Variants in PTPRM observed in about 807,000 individuals in gnomAD.
PTPRM encodes protein tyrosine phosphatase receptor type M.
In PTPRM, 47 loss-of-function variants were observed where a neutral mutation model predicts 186.7. The observed-to-expected ratio is 0.25, with a 90% CI of 0.20 to 0.32. The LOEUF (loss-of-function observed/expected upper bound fraction) is 0.32. Among genes scored for constraint, PTPRM ranks in the 10% least tolerant of loss-of-function variants. The pLI, the probability that PTPRM is intolerant of heterozygous loss-of-function variation, is 1.00. For synonymous variants in PTPRM, 668 were observed against 674.9 expected (o/e 0.99, Z 0.16); for missense variants, 1,494 against 1,865.0 (o/e 0.80, Z 3.66).
rs747293011 is a variant in PTPRM at position 8,370,875 on chromosome 18, TTA to T, written c.3055-13_3055-12del. 13 of 1,520,376 alleles carry T rather than the reference TTA, an allele frequency of 8.6e-6. No homozygotes were observed. The East Asian group carries it at 3.0e-4, about 35-fold the overall frequency. 94.2% of individuals were successfully genotyped at this position (1,520,376 alleles called of 1,614,324 possible). ...CCAAACTGTAAACCCATAATTTCTT[TTA>T]TGTTTTCTAAAGGTCAAATGCTGCA... On this transcript the variant is annotated splice_polypyrimidine_tract_variant and intron_variant, in intron 23 of 32. Coordinates refer to ENST00000580170, the MANE Select transcript of PTPRM (RefSeq NM_001105244.2).
At chr18:8,327,782 G>T (rs1330369999) in intron 22 of PTPRM, among the ~76,000 whole-genome samples, 3 of 152,176 alleles carry the variant, frequency 2.0e-5, no homozygotes, top group African/African-American at 7.2e-5. Context: ...ATCAAATCCT[G>T]TATTTAGAGA....
chr18:7,880,984 G>A (rs1162768491), intron 2 of PTPRM, among the ~76,000 whole-genome samples: 2 of 152,190 alleles, frequency 1.3e-5, no homozygotes, highest in African/African-American at 4.8e-5. Flanking sequence ...TTTGCAAAAT[G>A]CAATTGAGTT....
chr18:7,979,948 G>A (rs1382981224), intron 7 of PTPRM, among the ~76,000 whole-genome samples: 3 of 152,208 alleles, frequency 2.0e-5, no homozygotes, highest in Non-Finnish European at 2.9e-5. Context: ...CTCCAGGGCT[G>A]TGTCTTCAGC....
intron 2 of PTPRM, among the ~76,000 whole-genome samples, chr18:7,783,002 A>T (rs2042928353): frequency 6.6e-6 from 1 of 152,188 alleles, no homozygotes; most frequent in Non-Finnish European, 1.5e-5. Context: ...AAAAGTATAC[A>T]AATTAGCCTG....
intron 5 of PTPRM, among the ~76,000 whole-genome samples, chr18:7,944,670 GT>G (rs1305946263): frequency 5.9e-5 from 9 of 152,096 alleles, no homozygotes; most frequent in Non-Finnish European, 8.8e-5. Context: ...TTTCCCTATA[GT>G]TTTTTTATAG....
rs149985449 is a variant in PTPRM at position 8,252,516 on chromosome 18, G to A, written c.2566+17G>A. 5.5e-5 allele frequency: 85 copies of A among 1,544,494 alleles called. No individual in the cohort carries two copies. In the East Asian group the frequency reaches 7.2e-4, roughly 13 times the overall value. ...CAATAAATGGTAAGTTCCCCGATTC[G>A]CCCCATGGAAGAGTTGTGGAGGGAG... On this transcript the variant is annotated intron_variant, in intron 18 of 32. Coordinates refer to ENST00000580170, the MANE Select transcript of PTPRM (RefSeq NM_001105244.2).
chr18:7,808,866 C>G (rs897354637), intron 2 of PTPRM, among the ~76,000 whole-genome samples: 3 of 152,168 alleles, frequency 2.0e-5, no homozygotes, highest in Non-Finnish European at 4.4e-5. Flanking sequence ...TAATATTCAA[C>G]GTGAATTTGC....
intron 1 of PTPRM, among the ~76,000 whole-genome samples, chr18:7,579,643 A>C (rs1000479061): frequency 2.0e-5 from 3 of 152,258 alleles, no homozygotes; most frequent in African/African-American, 7.2e-5. Context: ...TTTAGAATAT[A>C]GTGAAAGAAT....
At chr18:8,241,610 G>A (rs2094435477) in intron 14 of PTPRM, among the ~76,000 whole-genome samples, 1 of 152,178 alleles carries the variant, frequency 6.6e-6, no homozygotes, top group Non-Finnish European at 1.5e-5. Flanking sequence ...CCTCCATGGG[G>A]CATCAGTGTG....
At chr18:7,700,762 A>G in intron 1 of PTPRM, among the ~76,000 whole-genome samples, 1 of 151,418 alleles carries the variant, frequency 6.6e-6, no homozygotes, top group Non-Finnish European at 1.5e-5. Context: ...AGGCTGAGGG[A>G]GGAGGATTAC....
intron 5 of PTPRM, among the ~76,000 whole-genome samples, chr18:7,932,479 A>G (rs961192916): frequency 6.6e-6 from 1 of 152,118 alleles, no homozygotes; most frequent in African/African-American, 2.4e-5. Context: ...ACTCCATTTT[A>G]TTATTGAAAG....
chr18:7,624,906 G>A (rs2038023588), intron 1 of PTPRM, among the ~76,000 whole-genome samples: 1 of 152,222 alleles, frequency 6.6e-6, no homozygotes, highest in Admixed American at 6.5e-5. Context: ...TGGTGTAGGT[G>A]TAGTGAGCCT....
At chr18:7,580,995 C>T (rs994779146) in intron 1 of PTPRM, among the ~76,000 whole-genome samples, 17 of 152,180 alleles carry the variant, frequency 1.1e-4, no homozygotes, top group Non-Finnish European at 1.9e-4. Flanking sequence ...AGGTGTGATT[C>T]TCCTGTGCAG....
intron 1 of PTPRM, among the ~76,000 whole-genome samples, chr18:7,697,641 C>G (rs1158366265): frequency 6.6e-6 from 1 of 152,154 alleles, no homozygotes. Flanking sequence ...TGATCCTTGT[C>G]AAACTATGAG....
chr18:8,305,732 C>G (rs2095214454), intron 20 of PTPRM, among the ~76,000 whole-genome samples: 1 of 152,126 alleles, frequency 6.6e-6, no homozygotes, highest in South Asian at 2.1e-4. Flanking sequence ...CTCCTGTTTC[C>G]TTTTTAAAAG....
chr18:8,406,295 C>T lies in PTPRM; in HGVS notation c.*133C>T. 1.2e-6 allele frequency: 1 copy of T among 819,942 alleles called. No homozygotes were observed. Among genetic ancestry groups the T allele is most frequent in the Non-Finnish European group, 1.9e-6 (1 of 518,530 alleles). 50.8% of individuals were successfully genotyped at this position (819,942 alleles called of 1,614,324 possible). ...GCATAATTGGCTCTTTTTAAGAGCC[C>T]AAGAAAGTGTTTCTAAAATTGCTTG... is the stretch of plus-strand genomic sequence containing the variant. On this transcript the variant is annotated 3_prime_UTR_variant, in exon 33 of 33. Coordinates refer to ENST00000580170, the MANE Select transcript of PTPRM (RefSeq NM_001105244.2).
chr18:7,891,348 G>A (rs1315401863), intron 3 of PTPRM, among the ~76,000 whole-genome samples: 1 of 128,370 alleles, frequency 7.8e-6, no homozygotes. Context: ...GGGATAACAG[G>A]TAAATTTTTT....
intron 7 of PTPRM, among the ~76,000 whole-genome samples, chr18:8,064,032 A>G (rs897174370): frequency 6.6e-6 from 1 of 152,208 alleles, no homozygotes; most frequent in African/African-American, 2.4e-5. Flanking sequence ...CTGTAAGTGT[A>G]TATCCTAGTC....
chr18:8,371,060 C>G, intron 24 of PTPRM, 54 bp downstream of exon 24: 1 of 1,080,602 alleles, frequency 9.3e-7, no homozygotes, highest in Non-Finnish European at 1.4e-6. Context: ...TGGTACCATA[C>G]TAGCCTCATT....
Sources: allele counts gnomAD v4.1 joint callset (sites outside exome capture counted in the v4.1 genomes callset), GRCh38; gene constraint gnomAD v4.1.1; transcripts MANE v1.5; gene names NCBI Gene and HGNC (gene_info 2026-07-23, HGNC 2026-07-21).